The following ZNF226 variants were observed in gnomAD, a reference collection of about 807,000 sequenced individuals.
ZNF226 encodes the protein Kruppel-associated box protein.
ZNF226 carries 6 observed loss-of-function variants against 11.4 expected under a neutral mutation model. That is an observed-to-expected ratio of 0.53 (90% CI 0.29 to 1.04). The LOEUF (loss-of-function observed/expected upper bound fraction) is 1.04. ZNF226 is among the 50% of genes least tolerant of loss of function. The pLI, the probability that ZNF226 is intolerant of heterozygous loss-of-function variation, is 0.08. For missense variants in ZNF226, 1,058 were observed against 956.5 expected (o/e 1.11, Z -1.40); for synonymous variants, 350 against 322.8 (o/e 1.08, Z -0.90).
At chr19:44,193,251 T>C in the ZNF226 span, among the ~76,000 whole-genome samples, 1 of 152,134 alleles carries the variant, frequency 6.6e-6, no homozygotes, top group South Asian at 2.1e-4. Flanking sequence ...AAGAATATTA[T>C]GTATGTATAA....
downstream of ZNF226, among the ~76,000 whole-genome samples, chr19:44,182,838 A>G (rs1049828369): frequency 6.6e-5 from 10 of 152,192 alleles, no homozygotes; most frequent in Non-Finnish European, 1.0e-4. Context: ...GCATTTGTTC[A>G]TAGATTGTGG....
At chr19:44,178,542 C>T (rs779780640), downstream of ZNF226, among the ~76,000 whole-genome samples, 5 of 152,080 alleles carry the variant, frequency 3.3e-5, no homozygotes, top group Non-Finnish European at 5.9e-5. Context: ...CTTCTCTCCC[C>T]CATATTCTGA....
At chr19:44,167,429 C>G (rs1969528981) in intron 2 of ZNF226, among the ~76,000 whole-genome samples, 1 of 150,772 alleles carries the variant, frequency 6.6e-6, no homozygotes, top group African/African-American at 2.4e-5. Flanking sequence ...AAAGATTCTC[C>G]TGCCTCAACC....
the ZNF226 span, among the ~76,000 whole-genome samples, chr19:44,199,254 A>G: frequency 6.6e-6 from 1 of 152,034 alleles, no homozygotes. Flanking sequence ...GGCTCACTGC[A>G]ACCTCTGCCT....
intron 2 of ZNF226, chr19:44,167,717 T>C (rs1021403367): frequency 2.0e-5 from 3 of 152,204 alleles, no homozygotes; most frequent in Admixed American, 6.5e-5. Context: ...TCACCAGTTG[T>C]TACGTTTGTT....
the ZNF226 span, among the ~76,000 whole-genome samples, chr19:44,199,106 G>A: frequency 6.6e-6 from 1 of 152,112 alleles, no homozygotes; most frequent in Non-Finnish European, 1.5e-5. Flanking sequence ...CTGGCCTAAT[G>A]TAACTTTTCT....
At chr19:44,189,102 CGTT>C in the ZNF226 span, among the ~76,000 whole-genome samples, 1 of 152,156 alleles carries the variant, frequency 6.6e-6, no homozygotes, top group South Asian at 2.1e-4. Context: ...ACCTGGAGTC[CGTT>C]GTTAAGTTCA....
chr19:44,172,043 A>G lies in ZNF226; in HGVS notation c.16-45A>G, dbSNP rs1970158269. 4.4e-6 allele frequency: 7 copies of G among 1,596,772 alleles called. No individual in the cohort carries two copies. The African/African-American group carries it at 5.4e-5, about 12-fold the overall frequency. On this transcript the variant is annotated intron_variant, in intron 3 of 5. Transcript: ENST00000337433. ...CTGTTCTCAGTGTTACCCATCTTCT[A>G]GTGGACATTGGTTGTAAGATTGAGG...
chr19:44,175,304 T>G, intron 5 of ZNF226, 194 bp from the exon 6 acceptor site: 1 of 1,405,998 alleles, frequency 7.1e-7, no homozygotes, highest in Non-Finnish European at 9.2e-7. Flanking sequence ...ATTGGGAGCT[T>G]GGTGGACCAT....
At chr19:44,195,210 C>T in the ZNF226 span, among the ~76,000 whole-genome samples, 1 of 152,120 alleles carries the variant, frequency 6.6e-6, no homozygotes, top group Non-Finnish European at 1.5e-5. Context: ...TTTAAGGTGG[C>T]CTTATAGCCA....
Position 44,172,211 on chromosome 19 carries a change from G to T in ZNF226, c.139G>T (p.Val47Leu). The T allele has an allele frequency of 6.2e-7, 1 of 1,611,088 alleles. No individual in the cohort carries two copies. The change falls in exon 4 of 6, where the codon GTG (valine) becomes TTG (leucine). Residue 47 changes from valine to leucine, a missense_variant. Coordinates refer to ENST00000337433, the MANE Select transcript of ZNF226 (RefSeq NM_001032373.2). ...MVENFRNLLS[V>L]GHPPFKQDVS... The stretch of plus-strand genomic sequence containing the variant: ...GGAGAACTTTAGGAACCTGCTGTCA[G>T]TGGGTGAGGACAGCCTCCCTCTGGA...
At chr19:44,180,544 CAG>C (rs1214845024), downstream of ZNF226, among the ~76,000 whole-genome samples, 6 of 152,244 alleles carry the variant, frequency 3.9e-5, no homozygotes, top group East Asian at 1.9e-4. Context: ...TGAGTTAAGT[CAG>C]GGGTCAAAAA....
chr19:44,175,531 A>G lies in ZNF226; in HGVS notation c.269A>G (p.Gln90Arg), dbSNP rs1204502681. 6.2e-7 allele frequency: 1 copy of G among 1,608,662 alleles called. No homozygotes were observed. The highest frequency in any genetic ancestry group is 2.2e-5 in the East Asian group (1 of 44,878). The change falls in exon 6 of 6, where the codon CAA becomes CGA. Residue 90 changes from glutamine to arginine, a missense_variant. Gln to Arg is a conservative substitution (Grantham distance 43). Transcript: ENST00000337433. ...EKNQSKLITVQDRESEEELSC... is the reference protein window; with the variant it reads ...EKNQSKLITVRDRESEEELSC... ...AATCAAAGTAAGTTAATTACTGTTCAAGACAGAGAATCAGAAGAAGAGCTT... is the reference window on the plus strand; with the variant it reads ...AATCAAAGTAAGTTAATTACTGTTCGAGACAGAGAATCAGAAGAAGAGCTT...
downstream of ZNF226, among the ~76,000 whole-genome samples, chr19:44,179,486 T>C (rs866999829): frequency 1.3e-5 from 2 of 152,204 alleles, no homozygotes; most frequent in Admixed American, 6.5e-5. Context: ...TGGAAATCAA[T>C]TATAAAAACT....
At position 44,176,559 on chromosome 19, in the gene ZNF226, A is replaced by C; in HGVS notation, c.1297A>C (p.Asn433His). ...ECGKGFICSS[N>H]LYIHQRVHTG... ...TGGTAAGGGCTTCATTTGTAGCTCA[A>C]ATCTTTACATTCATCAGAGAGTCCA... The change falls in exon 6 of 6, where the codon AAT (asparagine) becomes CAT (histidine). Residue 433 changes from asparagine (N) to histidine (H), a missense_variant. By Grantham distance (68) the Asn-to-His change is moderately conservative. Coordinates refer to ENST00000337433, the MANE Select transcript of ZNF226 (RefSeq NM_001032373.2). 1.2e-6 allele frequency: 2 copies of C among 1,613,916 alleles called. No homozygotes were observed. The highest frequency in any genetic ancestry group is 8.5e-7 in the Non-Finnish European group (1 of 1,179,938).
At chr19:44,169,797 T>C (rs768019913) in intron 2 of ZNF226, among the ~76,000 whole-genome samples, 1 of 152,222 alleles carries the variant, frequency 6.6e-6, no homozygotes, top group Non-Finnish European at 1.5e-5. Context: ...AAAATAAGAA[T>C]TACTGGCGTG....
At chr19:44,169,371 G>A (rs888404805) in intron 2 of ZNF226, among the ~76,000 whole-genome samples, 2 of 151,930 alleles carry the variant, frequency 1.3e-5, no homozygotes, top group African/African-American at 4.8e-5. Context: ...TTTTAATTGC[G>A]GTATCTTCGG....
At chr19:44,173,084 C>A in intron 5 of ZNF226, 132 bp downstream of exon 5, 1 of 754,248 alleles carries the variant, frequency 1.3e-6, no homozygotes, top group Non-Finnish European at 2.2e-6. Context: ...CTTTGTACTG[C>A]TTGCCCTGCT....
the ZNF226 span, among the ~76,000 whole-genome samples, chr19:44,197,947 C>T: frequency 1.3e-5 from 2 of 151,952 alleles, no homozygotes; most frequent in African/African-American, 2.4e-5. Context: ...ATTTTAGTAG[C>T]TATTTAAAAA....
Sources: allele counts gnomAD v4.1 joint callset (sites outside exome capture counted in the v4.1 genomes callset), GRCh38; gene constraint gnomAD v4.1.1; transcripts MANE v1.5; gene names NCBI Gene and HGNC (gene_info 2026-07-23, HGNC 2026-07-21).